The following ACP1 variants were observed in gnomAD, a reference collection of about 807,000 sequenced individuals.
ACP1 encodes low molecular weight phosphotyrosine protein phosphatase.
In ACP1, 23 loss-of-function variants were observed where a neutral mutation model predicts 23.4. The observed-to-expected ratio is 0.98, with a 90% CI of 0.71 to 1.39. The LOEUF (loss-of-function observed/expected upper bound fraction) is 1.39, where lower values mean the gene tolerates loss of function less well. Ranked by LOEUF, ACP1 falls within the 40% of genes most tolerant of loss-of-function variation. The pLI is 0.00. For synonymous variants in ACP1, 72 were observed against 67.2 expected, an observed-to-expected ratio of 1.07 and a Z score of -0.35; for missense variants, 180 against 197.7, an observed-to-expected ratio of 0.91 and a Z score of 0.54.
intron 3 of ACP1, chr2:272,640 A>G (rs949840753): frequency 1.2e-5 from 6 of 500,254 alleles, no homozygotes; most frequent in African/African-American, 1.2e-4. Context: ...TGATATTGCA[A>G]GTTTGTTGCT....
chr2:271,975 G>C (rs751555461), intron 2 of ACP1, 36 bp downstream of exon 2: 6 of 1,594,650 alleles, frequency 3.8e-6, no homozygotes, highest in Non-Finnish European at 5.1e-6. Flanking sequence ...AGGCCAACCT[G>C]AACTCCTCTG....
At chr2:276,823 G>A (rs1409500435) in intron 4 of ACP1, among the ~76,000 whole-genome samples, 157 bp from the exon 5 acceptor site, 1 of 152,236 alleles carries the variant, frequency 6.6e-6, no homozygotes, top group Non-Finnish European at 1.5e-5. Context: ...TACAGCTGCA[G>A]AAGGGGCCAC....
At chr2:265,439 C>T (rs1036453182) in intron 1 of ACP1, among the ~76,000 whole-genome samples, 3 of 152,174 alleles carry the variant, frequency 2.0e-5, no homozygotes, top group African/African-American at 7.2e-5. Flanking sequence ...AGATAGGGAT[C>T]TGAGTTAAAG....
intron 1 of ACP1, chr2:266,503 T>C (rs1207133247): frequency 6.6e-6 from 1 of 152,248 alleles, no homozygotes; most frequent in East Asian, 1.9e-4. Flanking sequence ...TCCTTGCATA[T>C]ACAGTAGTCC....
rs545408539 is a variant in ACP1 at position 265,204 on chromosome 2, T to G, written c.43+197T>G. 1.1e-5 allele frequency: 6 copies of G among 544,590 alleles called. No individual in the cohort carries two copies. In the Admixed American group the frequency reaches 2.5e-4, roughly 22 times the overall value. The allele number at this position is 544,590 out of a possible 1,614,324, so 33.7% of individuals were successfully genotyped here. A position where few individuals can be genotyped will look rare whatever the true frequency, so the allele number is the denominator to read the frequency against. On this transcript the variant is annotated intron_variant, in intron 1 of 5. Coordinates refer to ENST00000272065, the MANE Select transcript of ACP1 (RefSeq NM_004300.4). ...CCGTGCACCCGCCCAGCCTGCCCGC[T>G]AAACCTGGGTCCCCTCGCGCCTGCC... is the stretch of plus-strand genomic sequence containing the variant.
At chr2:271,284 T>G (rs1670023728) in intron 1 of ACP1, among the ~76,000 whole-genome samples, 2 of 152,202 alleles carry the variant, frequency 1.3e-5, no homozygotes, top group Admixed American at 1.3e-4. Flanking sequence ...TCGAGGAATT[T>G]TTTTAATCAA....
intron 1 of ACP1, among the ~76,000 whole-genome samples, chr2:268,777 T>C (rs757149337): frequency 2.6e-5 from 4 of 152,248 alleles, no homozygotes; most frequent in Non-Finnish European, 4.4e-5. Context: ...TTTTAGAACT[T>C]GTTTGATAGG....
chr2:277,093 C>G lies in ACP1; in HGVS notation c.399+8C>G. 1.9e-6 allele frequency: 3 copies of G among 1,599,232 alleles called. No individual in the cohort carries two copies. The highest frequency in any genetic ancestry group is 2.6e-6 in the Non-Finnish European group (3 of 1,166,620). ...ATTGAAGATCCCTATTATGTAAGTA[C>G]AGTTCACGTTTTAGGGCTAATATGA... On this transcript the variant is annotated splice_region_variant and intron_variant, in intron 5 of 5. Transcript: ENST00000272065.
At chr2:269,085 G>A (rs1330826027) in intron 1 of ACP1, among the ~76,000 whole-genome samples, 2 of 152,182 alleles carry the variant, frequency 1.3e-5, no homozygotes, top group South Asian at 2.1e-4. Context: ...GGAATACAAT[G>A]TTTGCTGTTA....
chr2:274,426 G>A (rs1670119408), intron 3 of ACP1: 1 of 152,878 alleles, frequency 6.5e-6, no homozygotes. Flanking sequence ...AAGTAGGTGT[G>A]TTTATAGATT....
At chr2:276,936 G>A in intron 4 of ACP1, 44 bp from the exon 5 acceptor site, 1 of 1,272,832 alleles carries the variant, frequency 7.9e-7, no homozygotes, top group Non-Finnish European at 1.1e-6. Flanking sequence ...TGTTTAACTT[G>A]AAACCATAGA....
At chr2:265,872 C>CGTT (rs1669859927) in intron 1 of ACP1, among the ~76,000 whole-genome samples, 1 of 152,186 alleles carries the variant, frequency 6.6e-6, no homozygotes. Context: ...CAGAACCTTT[C>CGTT]GTTGTTCGGT....
intron 5 of ACP1, 35 bp downstream of exon 5, chr2:277,120 G>T: frequency 6.4e-7 from 1 of 1,566,030 alleles, no homozygotes; most frequent in South Asian, 1.1e-5. Context: ...CTAATATGAA[G>T]ACCCAACACA....
At chr2:272,286 C>A in intron 3 of ACP1, 136 bp downstream of exon 3, 1 of 1,613,714 alleles carries the variant, frequency 6.2e-7, no homozygotes, top group South Asian at 1.1e-5. Flanking sequence ...GGCATTCACA[C>A]AGCCCATAAA....
intron 4 of ACP1, among the ~76,000 whole-genome samples, 187 bp from the exon 5 acceptor site, chr2:276,793 C>T (rs1670185394): frequency 6.6e-6 from 1 of 152,060 alleles, no homozygotes; most frequent in Non-Finnish European, 1.5e-5. Context: ...ACTGTCTTGC[C>T]TAGAGAGAGG....
chr2:265,625 C>G (rs1017966856), intron 1 of ACP1, among the ~76,000 whole-genome samples: 3 of 152,206 alleles, frequency 2.0e-5, no homozygotes, highest in Non-Finnish European at 4.4e-5. Context: ...CTTAGCTTGC[C>G]TTACTTCAAA....
rs186252630 is a variant in ACP1, at chr2:274,883, T to A, written c.232-257T>A. 134 of 276,488 alleles carry A rather than the reference T, an allele frequency of 4.8e-4. 1 individual carries two copies. Among genetic ancestry groups the A allele is most frequent in the African/African-American group, 2.6e-3 (120 of 46,376 alleles). The allele number at this position is 276,488 out of a possible 1,614,324, so 17.1% of individuals were successfully genotyped here. ...TGCTACTAAGGAATTGAAGCCGATG[T>A]ATAAACATTGTGTCTACACATTATA... On this transcript the variant is annotated intron_variant, in intron 3 of 5. Transcript: ENST00000272065.
At chr2:265,314 C>A (rs1450858655) in intron 1 of ACP1, 6 of 355,104 alleles carry the variant, frequency 1.7e-5, no homozygotes, top group South Asian at 4.8e-5. Flanking sequence ...CCCTCTCGTT[C>A]CCCTCCAATG....
At chr2:270,321 T>C (rs1669994670) in intron 1 of ACP1, among the ~76,000 whole-genome samples, 1 of 152,208 alleles carries the variant, frequency 6.6e-6, no homozygotes, top group Non-Finnish European at 1.5e-5. Flanking sequence ...GCCCAGTGTT[T>C]TAGGGCTCCT....
Sources: gnomAD v4.1 joint callset for allele counts (sites outside exome capture counted in the v4.1 genomes callset) on GRCh38, gnomAD v4.1.1 for gene constraint, MANE v1.5 for transcripts, NCBI Gene and HGNC (gene_info 2026-07-23, HGNC 2026-07-21) for gene names.